TENT4B: variants seen among roughly 807,000 people sequenced by gnomAD.
TENT4B encodes PAP associated domain containing 5.
TENT4B carries 10 observed loss-of-function variants against 75.0 expected under a neutral mutation model. That is an observed-to-expected ratio of 0.13 (90% CI 0.08 to 0.23). The LOEUF is 0.23. TENT4B is among the 10% of genes least tolerant of loss of function. The pLI is 1.00. For synonymous variants in TENT4B, 350 were observed against 357.7 expected (o/e 0.98, Z 0.24); for missense variants, 579 against 893.8 (o/e 0.65, Z 4.49).
intron 5 of TENT4B, among the ~76,000 whole-genome samples, chr16:50,219,273 C>T (rs183992469): frequency 1.3e-5 from 2 of 152,136 alleles, no homozygotes; most frequent in Non-Finnish European, 1.5e-5. Flanking sequence ...TTGTTTTTTG[C>T]GTTGCTTTTT....
intron 1 of TENT4B, among the ~76,000 whole-genome samples, chr16:50,199,825 A>G (rs1321301708): frequency 6.6e-6 from 1 of 152,224 alleles, no homozygotes; most frequent in Non-Finnish European, 1.5e-5. Flanking sequence ...TTTTTAAGAC[A>G]GGGTGTCATT....
Position 50,224,762 on chromosome 16 carries a change from A to G in TENT4B, c.1487A>G (p.Tyr496Cys). The G allele has an allele frequency of 6.2e-7, 1 of 1,614,052 alleles. No individual in the cohort carries two copies. Among genetic ancestry groups the G allele is most frequent in the Non-Finnish European group, 8.5e-7 (1 of 1,179,900 alleles). Residue 496 changes from tyrosine to cysteine, a missense_variant, in exon 8 of 12, where the codon TAT (tyrosine) becomes TGT (cysteine). Coordinates refer to ENST00000561678, the MANE Select transcript of TENT4B (RefSeq NM_001365324.3). ...GCTGTATCACCAATAGCAAAGTACT[A>G]TCCCAACAATGAAACAGAAAGGTAA... ...SHAVSPIAKYYPNNETESILG... is the reference protein window; with the variant it reads ...SHAVSPIAKYCPNNETESILG...
In TENT4B at chr16:50,229,949, TAATC is replaced by T; in HGVS notation, c.*622_*625del. On this transcript the variant is annotated 3_prime_UTR_variant, in exon 12 of 12. Transcript: ENST00000561678. Reference sequence around the variant, plus strand: ...TTTTTCTCAGGATTAGTTTGAAAAATAATCTAAATTGTCATCTTAACATCCATAT... The same window carrying T: ...TTTTTCTCAGGATTAGTTTGAAAAATTAAATTGTCATCTTAACATCCATAT... The T allele has an allele frequency of 1.1e-6, 1 of 942,912 alleles. No individual in the cohort carries two copies. Among genetic ancestry groups the T allele is most frequent in the South Asian group, 4.9e-5 (1 of 20,394 alleles). 58.4% of individuals were successfully genotyped at this position (942,912 alleles called of 1,614,324 possible).
intron 1 of TENT4B, among the ~76,000 whole-genome samples, chr16:50,208,579 C>T (rs1452778612): frequency 6.6e-6 from 1 of 152,174 alleles, no homozygotes; most frequent in Non-Finnish European, 1.5e-5. Flanking sequence ...CAGAATAGTA[C>T]AGAACATATG....
rs2038053177 is a variant in TENT4B at position 50,164,082 on chromosome 16, G to A, written c.638+9823G>A. ...TGAGGCAGGAGAATCACTTGAACCC[G>A]GCCGGTGGAGGTTGCAGTGAGCAAA... On this transcript the variant is annotated intron_variant, in intron 1 of 11. Coordinates refer to ENST00000561678, the MANE Select transcript of TENT4B (RefSeq NM_001365324.3). 2.6e-5 allele frequency among the ~76,000 whole-genome samples: 4 copies of A among 152,076 alleles called. No homozygotes were observed. In the South Asian group the frequency reaches 8.3e-4, roughly 32 times the overall value.
intron 11 of TENT4B, 51 bp from the exon 12 acceptor site, chr16:50,229,099 ACT>A (rs2032182469): frequency 3.8e-6 from 6 of 1,590,858 alleles, no homozygotes; most frequent in South Asian, 3.5e-5. Flanking sequence ...GTTTGAGAAC[ACT>A]CTGCTTTTCT....
chr16:50,227,892 C>T lies in TENT4B; in HGVS notation c.1854C>T (p.Ser618=), dbSNP rs1438129492. The T allele has an allele frequency of 1.2e-6, 2 of 1,614,004 alleles. No homozygotes were observed. The highest frequency in any genetic ancestry group is 8.5e-7 in the Non-Finnish European group (1 of 1,179,896). The change falls in exon 11 of 12, where the codon TCC becomes TCT. Residue 618 remains serine (S), a synonymous_variant. Transcript: ENST00000561678. ...CGAAACAGCTGCTTTGCCGTCCGTC[C>T]ACTGGGAACCGAGTAGGGTCGCAAG... The part of the protein sequence containing the change: ...KTPKQLLCRP[S]TGNRVGSQDV...
chr16:50,228,817 G>A (rs1029618762), intron 11 of TENT4B, among the ~76,000 whole-genome samples: 5 of 152,228 alleles, frequency 3.3e-5, no homozygotes, highest in Non-Finnish European at 7.3e-5. Flanking sequence ...CAGTGTGCCT[G>A]TCATGCCCAA....
At position 50,235,056 on chromosome 16, in the gene TENT4B, A is replaced by G. The variant is rs1289240899; in HGVS notation, c.*5728A>G. On this transcript the variant is annotated 3_prime_UTR_variant, in exon 12 of 12. Coordinates refer to ENST00000561678, the MANE Select transcript of TENT4B (RefSeq NM_001365324.3). ...GGAATTTACCAGAAAAAGATATTTG[A>G]TACAAGTGATTTAAGAAATCTCAAC... 1.0e-6 allele frequency: 1 copy of G among 984,682 alleles called. No individual in the cohort carries two copies. The highest frequency in any genetic ancestry group is 1.7e-5 in the African/African-American group (1 of 57,218). 61.0% of individuals were successfully genotyped at this position (984,682 alleles called of 1,614,324 possible).
chr16:50,156,668 C>CT (rs1190898577), intron 1 of TENT4B, among the ~76,000 whole-genome samples: 4 of 150,646 alleles, frequency 2.7e-5, no homozygotes, highest in African/African-American at 9.8e-5. Flanking sequence ...TCTTTTTTTT[C>CT]TTTTGAGACT....
At chr16:50,169,210 G>C (rs935808156) in intron 1 of TENT4B, among the ~76,000 whole-genome samples, 2 of 151,952 alleles carry the variant, frequency 1.3e-5, no homozygotes, top group Admixed American at 6.6e-5. Context: ...TTTCTCTGCT[G>C]TCTCTTTTCC....
chr16:50,176,363 G>A (rs757225044), intron 1 of TENT4B, among the ~76,000 whole-genome samples: 19 of 151,488 alleles, frequency 1.3e-4, no homozygotes, highest in Non-Finnish European at 2.4e-4. Context: ...GCGATTACAG[G>A]CATGAACCAC....
At chr16:50,196,075 G>A (rs1444634515) in intron 1 of TENT4B, among the ~76,000 whole-genome samples, 2 of 152,186 alleles carry the variant, frequency 1.3e-5, no homozygotes, top group South Asian at 2.1e-4. Flanking sequence ...TCTGTAGACA[G>A]CAAAGTTTAA....
At position 50,159,784 on chromosome 16, in the gene TENT4B, A is replaced by G. The variant is rs904859146; in HGVS notation, c.638+5525A>G. 1.2e-4 allele frequency among the ~76,000 whole-genome samples: 18 copies of G among 152,214 alleles called. 1 individual carries two copies. The highest frequency in any genetic ancestry group is 3.9e-4 in the Admixed American group (6 of 15,280). On this transcript the variant is annotated intron_variant, in intron 1 of 11. Coordinates refer to ENST00000561678, the MANE Select transcript of TENT4B (RefSeq NM_001365324.3). The stretch of plus-strand genomic sequence containing the variant: ...TACTGACATGCGCTTTTAAGAAGAC[A>G]TTAGGTTTTCTATAGTGTAGATTGT...
intron 1 of TENT4B, among the ~76,000 whole-genome samples, chr16:50,172,911 T>C (rs2038233449): frequency 6.6e-6 from 1 of 152,192 alleles, no homozygotes; most frequent in African/African-American, 2.4e-5. Flanking sequence ...TCATACAGAT[T>C]GGCTTCTTTC....
At chr16:50,198,612 T>G (rs2030434924) in intron 1 of TENT4B, among the ~76,000 whole-genome samples, 1 of 152,098 alleles carries the variant, frequency 6.6e-6, no homozygotes, top group Non-Finnish European at 1.5e-5. Flanking sequence ...TTAATTAATA[T>G]AATTTAAATT....
chr16:50,188,319 C>G (rs2038574397), intron 1 of TENT4B, among the ~76,000 whole-genome samples: 1 of 152,128 alleles, frequency 6.6e-6, no homozygotes, highest in African/African-American at 2.4e-5. Flanking sequence ...ACTATAAAAC[C>G]TTGGAGGGGT....
chr16:50,194,772 G>A (rs2541560), intron 1 of TENT4B, among the ~76,000 whole-genome samples: 86,392 of 128,642 alleles, frequency 0.67, 30,237 homozygotes, highest in Non-Finnish European at 0.76. Context: ...TTTTTGAGAC[G>A]GAGTCTCGCT....
intron 1 of TENT4B, among the ~76,000 whole-genome samples, chr16:50,190,684 T>C (rs917889673): frequency 8.5e-5 from 13 of 152,104 alleles, no homozygotes; most frequent in African/African-American, 2.9e-4. Flanking sequence ...GGTAGCTACA[T>C]TTTAAAACAT....
Sources: gnomAD v4.1 joint callset for allele counts (sites outside exome capture counted in the v4.1 genomes callset) on GRCh38, gnomAD v4.1.1 for gene constraint, MANE v1.5 for transcripts, NCBI Gene and HGNC (gene_info 2026-07-23, HGNC 2026-07-21) for gene names.